The following PTAR1 variants were observed in gnomAD, a reference collection of about 807,000 sequenced individuals.
PTAR1 encodes protein prenyltransferase alpha subunit repeat containing 1, also known as protein prenyltransferase alpha subunit repeat-containing protein 1.
A neutral mutation model predicts 45.5 loss-of-function variants in PTAR1; 17 were observed. The observed-to-expected ratio is 0.37, with a 90% CI of 0.26 to 0.56. The LOEUF (loss-of-function observed/expected upper bound fraction) is 0.56, where lower values mean the gene tolerates loss of function less well. Among genes scored for constraint, PTAR1 ranks in the 20% least tolerant of loss-of-function variants. The pLI, the probability that PTAR1 is intolerant of heterozygous loss-of-function variation, is 0.77. For missense variants in PTAR1, 391 were observed against 476.3 expected, an observed-to-expected ratio of 0.82 and a Z score of 1.67; for synonymous variants, 169 against 171.3, an observed-to-expected ratio of 0.99 and a Z score of 0.11.
Position 69,750,871 on chromosome 9 carries a change from C to A in PTAR1, c.166G>T (p.Val56Leu). The change falls in exon 2 of 8, where the codon GTG becomes TTG. Residue 56 changes from valine (V) to leucine (L), a missense_variant. This residue lies in a region of PTAR1 where 152 missense variants were observed against 160.0 expected (regional missense o/e 0.95). Coordinates refer to ENST00000340434, the MANE Select transcript of PTAR1 (RefSeq NM_001099666.2). ...PIVLVENKLG[V>L]ESWCVKFLLP... The stretch of plus-strand genomic sequence containing the variant: ...AGGAACTTGACACACCAGCTCTCCA[C>A]ACCCAGTTTGTTTTCAACCAGGACT... 1.9e-6 allele frequency: 3 copies of A among 1,610,392 alleles called. No homozygotes were observed. The highest frequency in any genetic ancestry group is 1.7e-6 in the Non-Finnish European group (2 of 1,177,960).
rs966202749 is a variant in PTAR1, at chr9:69,712,906, T to C, written c.*5436A>G. 1 of 152,114 alleles carries C rather than the reference T, an allele frequency of 6.6e-6. No individual in the cohort carries two copies. The highest frequency in any genetic ancestry group is 2.4e-5 in the African/African-American group (1 of 41,434). 9.4% of individuals were successfully genotyped at this position (152,114 alleles called of 1,614,324 possible). The stretch of plus-strand genomic sequence containing the variant: ...GATAAACAATGAGGCAGTCACAGAA[T>C]ATCTACTAGCTACTGTACTGGTAAT... On this transcript the variant is annotated 3_prime_UTR_variant, in exon 8 of 8. Transcript: ENST00000340434.
In PTAR1 at chr9:69,718,306, CT is replaced by C; in HGVS notation, c.*35del. ...AATAATAAAAGAAAGCAATATTGCA[CT>C]AAAAGGGGAACCTTGTAGGACTAAT... On this transcript the variant is annotated 3_prime_UTR_variant, in exon 8 of 8. Coordinates refer to ENST00000340434, the MANE Select transcript of PTAR1 (RefSeq NM_001099666.2). The C allele has an allele frequency of 1.4e-6, 2 of 1,460,650 alleles. No homozygotes were observed. The highest frequency in any genetic ancestry group is 2.6e-5 in the South Asian group (2 of 76,964). 90.5% of individuals were successfully genotyped at this position (1,460,650 alleles called of 1,614,324 possible). A position where few individuals can be genotyped will look rare whatever the true frequency, so the allele number is the denominator to read the frequency against.
chr9:69,735,426 A>C (rs1159280349), intron 3 of PTAR1, among the ~76,000 whole-genome samples: 2 of 152,246 alleles, frequency 1.3e-5, no homozygotes, highest in Non-Finnish European at 2.9e-5. Flanking sequence ...TCAGGGACTA[A>C]TGATAGGAAA....
intron 1 of PTAR1, among the ~76,000 whole-genome samples, chr9:69,754,057 A>G (rs959386212): frequency 2.0e-5 from 3 of 152,196 alleles, no homozygotes; most frequent in Non-Finnish European, 4.4e-5. Flanking sequence ...CTGCTTTCTA[A>G]AAAACATTAC....
chr9:69,723,369 G>C lies in PTAR1; in HGVS notation c.904C>G (p.Leu302Val). ...LEEEVEFSTD[L>V]IDSYPGHETL... ...TCATGTCCTGGGTAGGAATCAATAA[G>C]ATCAGTGCTGAATTCAACTTCTTCT... Residue 302 changes from leucine to valine, a missense_variant, in exon 6 of 8, where the codon CTT becomes GTT. Leu to Val is a conservative substitution (Grantham distance 32). Coordinates refer to ENST00000340434, the MANE Select transcript of PTAR1 (RefSeq NM_001099666.2). The C allele has an allele frequency of 6.2e-7, 1 of 1,613,830 alleles. No homozygotes were observed. The highest frequency in any genetic ancestry group is 1.1e-5 in the South Asian group (1 of 91,082).
chr9:69,744,926 A>G (rs1826211127), intron 2 of PTAR1, among the ~76,000 whole-genome samples: 1 of 152,202 alleles, frequency 6.6e-6, no homozygotes, highest in Non-Finnish European at 1.5e-5. Flanking sequence ...GTAAGAGGAT[A>G]GGCCTTCCTT....
intron 1 of PTAR1, among the ~76,000 whole-genome samples, chr9:69,754,354 C>T (rs1485261904): frequency 1.3e-5 from 2 of 151,926 alleles, no homozygotes; most frequent in Non-Finnish European, 2.9e-5. Flanking sequence ...AAACCCCTGA[C>T]ACTAGAACAA....
At position 69,714,265 on chromosome 9, in the gene PTAR1, A is replaced by G. The variant is rs901406909; in HGVS notation, c.*4077T>C. 2.6e-5 allele frequency: 4 copies of G among 152,114 alleles called. No homozygotes were observed. Among genetic ancestry groups the G allele is most frequent in the Non-Finnish European group, 5.9e-5 (4 of 67,988 alleles). The allele number at this position is 152,114 out of a possible 1,614,324, so 9.4% of individuals were successfully genotyped here. A position where few individuals can be genotyped will look rare whatever the true frequency, so the allele number is the denominator to read the frequency against. The stretch of plus-strand genomic sequence containing the variant: ...GGTTCAAATTTTCTAGCATACTTTA[A>G]ATATCTGTAAGTTTTAAAATATAAT... On this transcript the variant is annotated 3_prime_UTR_variant, in exon 8 of 8. Transcript: ENST00000340434.
At chr9:69,757,094 A>ATGTGG (rs1826814179) in intron 1 of PTAR1, 1 of 152,208 alleles carries the variant, frequency 6.6e-6, no homozygotes, top group Non-Finnish European at 1.5e-5. Flanking sequence ...TATTTCACAC[A>ATGTGG]GTAAAGATGG....
chr9:69,750,167 G>A (rs1301496543), intron 2 of PTAR1, among the ~76,000 whole-genome samples: 2 of 151,748 alleles, frequency 1.3e-5, no homozygotes, highest in African/African-American at 4.8e-5. Flanking sequence ...ATTAGGGATT[G>A]TCTGATGCAG....
intron 2 of PTAR1, among the ~76,000 whole-genome samples, chr9:69,749,551 T>G (rs952937215): frequency 4.6e-5 from 7 of 152,096 alleles, no homozygotes; most frequent in Non-Finnish European, 7.4e-5. Context: ...ATGGCTAAAC[T>G]TAGGCACAGC....
intron 2 of PTAR1, among the ~76,000 whole-genome samples, chr9:69,748,481 A>C (rs1288916429): frequency 6.6e-6 from 1 of 152,190 alleles, no homozygotes; most frequent in Non-Finnish European, 1.5e-5. Flanking sequence ...CAGCAGGTTA[A>C]TGAAAACAAG....
At chr9:69,753,995 C>A (rs1826648192) in intron 1 of PTAR1, among the ~76,000 whole-genome samples, 1 of 152,150 alleles carries the variant, frequency 6.6e-6, no homozygotes, top group African/African-American at 2.4e-5. Flanking sequence ...AAAGCCGAGG[C>A]AAAGAATTTA....
intron 2 of PTAR1, among the ~76,000 whole-genome samples, chr9:69,749,468 A>G (rs1262451138): frequency 1.3e-5 from 2 of 152,134 alleles, no homozygotes; most frequent in Admixed American, 1.3e-4. Context: ...AGGGTCTAAC[A>G]ACAGATAAAC....
intron 1 of PTAR1, 83 bp downstream of exon 1, chr9:69,759,770 G>A (rs1165689367): frequency 5.8e-6 from 8 of 1,370,486 alleles, no homozygotes; most frequent in African/African-American, 1.5e-5. Context: ...CTGTCCGCCC[G>A]CCGCCCGAGG....
chr9:69,755,919 T>C (rs1323121127), intron 1 of PTAR1, among the ~76,000 whole-genome samples: 2 of 152,212 alleles, frequency 1.3e-5, no homozygotes, highest in African/African-American at 4.8e-5. Flanking sequence ...TATTTTATTC[T>C]GCACAATAAT....
Position 69,732,253 on chromosome 9 carries a change from G to C in PTAR1, c.528C>G (p.Leu176=), listed in dbSNP as rs1479401134. 1 of 1,613,762 alleles carries C rather than the reference G, an allele frequency of 6.2e-7. No homozygotes were observed. The highest frequency in any genetic ancestry group is 8.5e-7 in the Non-Finnish European group (1 of 1,179,714). Residue 176 remains leucine (L), a synonymous_variant, in exon 5 of 8, where the codon CTC becomes CTG. Coordinates refer to ENST00000340434, the MANE Select transcript of PTAR1 (RefSeq NM_001099666.2). ...CACAGACCTCCATCTCTTCTTGTATGAGTCGCTGTGCCCTTTCTGTGGGAA... is the reference window on the plus strand; with the variant it reads ...CACAGACCTCCATCTCTTCTTGTATCAGTCGCTGTGCCCTTTCTGTGGGAA... ...GTIPTERAQR[L]IQEEMEVCGE... is the part of the protein sequence containing the mutation.
At chr9:69,751,261 C>T (rs747867077) in intron 1 of PTAR1, among the ~76,000 whole-genome samples, 2 of 151,816 alleles carry the variant, frequency 1.3e-5, no homozygotes, top group Non-Finnish European at 2.9e-5. Context: ...TTATCCTATG[C>T]CAAAATATGT....
At chr9:69,759,726 C>T (rs1268931645) in intron 1 of PTAR1, 127 bp downstream of exon 1, 2 of 912,456 alleles carry the variant, frequency 2.2e-6, no homozygotes, top group Non-Finnish European at 3.1e-6. Context: ...ACGGCTCTGC[C>T]TCCTCCCTAG....
Sources: allele counts gnomAD v4.1 joint callset (sites outside exome capture counted in the v4.1 genomes callset), GRCh38; gene constraint gnomAD v4.1.1; regional missense constraint gnomAD v4.1.1; transcripts MANE v1.5; gene names NCBI Gene and HGNC (gene_info 2026-07-23, HGNC 2026-07-21).